ATP6V0E1: variants seen among roughly 807,000 people sequenced by gnomAD.
ATP6V0E1 encodes the protein V-type proton ATPase subunit e 1.
ATP6V0E1 carries 4 observed loss-of-function variants against 11.6 expected under a neutral mutation model. That is an observed-to-expected ratio of 0.35 (90% CI 0.17 to 0.79). ATP6V0E1 has a LOEUF of 0.79. Among genes scored for constraint, ATP6V0E1 ranks in the 30% least tolerant of loss-of-function variants. ATP6V0E1 has a pLI of 0.54. For synonymous variants in ATP6V0E1, 36 were observed against 34.8 expected (o/e 1.04, Z -0.13); for missense variants, 105 against 100.0 (o/e 1.05, Z -0.21).
intron 1 of ATP6V0E1, among the ~76,000 whole-genome samples, chr5:172,988,392 T>A (rs1347153119): frequency 6.6e-6 from 1 of 152,222 alleles, no homozygotes; most frequent in Non-Finnish European, 1.5e-5. Context: ...CCTAGGCAGA[T>A]GATCCCTGTG....
At chr5:172,985,392 C>A (rs982793459) in intron 1 of ATP6V0E1, among the ~76,000 whole-genome samples, 8 of 151,932 alleles carry the variant, frequency 5.3e-5, no homozygotes, top group African/African-American at 1.9e-4. Flanking sequence ...GAATTTTTAT[C>A]ATTTTTAAGT....
chr5:173,013,574 C>CAA lies in ATP6V0E1; in HGVS notation c.153-6645_153-6644dup, dbSNP rs35084966. 2.6e-3 allele frequency among the ~76,000 whole-genome samples: 162 copies of CAA among 61,180 alleles called. 3 individuals are homozygous for CAA. The highest frequency in any genetic ancestry group is 8.8e-3 in the Middle Eastern group (1 of 114). The allele number at this position is 61,180 out of a possible 152,430, so 40.1% of individuals were successfully genotyped here. A position where few individuals can be genotyped will look rare whatever the true frequency, so the allele number is the denominator to read the frequency against. ...TGGGCGACAGAGCCAGACTCCATCT[C>CAA]AAAAAAAAAAAAAAAAAAAAGAGAC... is the stretch of plus-strand genomic sequence containing the variant. On this transcript the variant is annotated intron_variant, in intron 2 of 3. Transcript: ENST00000519374.
intron 2 of ATP6V0E1, among the ~76,000 whole-genome samples, chr5:173,008,725 C>T (rs372087145): frequency 1.4e-4 from 21 of 148,794 alleles, no homozygotes; most frequent in Admixed American, 6.7e-4. Flanking sequence ...CTGGCTAATG[C>T]GGTGAAACCC....
intron 2 of ATP6V0E1, among the ~76,000 whole-genome samples, chr5:173,018,411 AGAGGTGGAGGAGGTGGAAAGG>A (rs780674029): frequency 1.6e-4 from 24 of 152,282 alleles, no homozygotes; most frequent in Admixed American, 3.9e-4. Flanking sequence ...TAGAGGCAGA[AGAGGTGGAGGAGGTGGAAAGG>A]GAGGTGGAGG....
chr5:172,986,050 T>C (rs764453612), intron 1 of ATP6V0E1, among the ~76,000 whole-genome samples: 9 of 152,206 alleles, frequency 5.9e-5, no homozygotes, highest in Non-Finnish European at 1.3e-4. Flanking sequence ...TAAAAATACA[T>C]ATCAAAGATT....
chr5:172,994,678 C>A, intron 1 of ATP6V0E1, 97 bp from the exon 2 acceptor site: 2 of 992,474 alleles, frequency 2.0e-6, no homozygotes, highest in Non-Finnish European at 3.0e-6. Context: ...GCAATCCATG[C>A]CAGTTTGATA....
intron 2 of ATP6V0E1, among the ~76,000 whole-genome samples, chr5:173,013,864 G>A (rs909825576): frequency 6.6e-6 from 1 of 151,998 alleles, no homozygotes; most frequent in Non-Finnish European, 1.5e-5. Flanking sequence ...ACTAAAAAGC[G>A]AAAATATGGC....
chr5:173,005,538 A>C (rs991602928), intron 2 of ATP6V0E1, among the ~76,000 whole-genome samples: 1 of 152,152 alleles, frequency 6.6e-6, no homozygotes, highest in Non-Finnish European at 1.5e-5. Context: ...TTAATATATC[A>C]AGTATTTTAA....
At chr5:173,030,683 C>G (rs939396036) in intron 3 of ATP6V0E1, among the ~76,000 whole-genome samples, 1 of 151,678 alleles carries the variant, frequency 6.6e-6, no homozygotes, top group African/African-American at 2.4e-5. Context: ...TCAGGTGATC[C>G]GCCCCGCCTC....
intron 1 of ATP6V0E1, among the ~76,000 whole-genome samples, chr5:172,991,581 G>A (rs1291978723): frequency 6.6e-6 from 1 of 152,106 alleles, no homozygotes; most frequent in Non-Finnish European, 1.5e-5. Context: ...AAGGACTGAT[G>A]TTTGCACGTA....
intron 1 of ATP6V0E1, among the ~76,000 whole-genome samples, chr5:172,990,616 C>T (rs1434174523): frequency 1.3e-5 from 2 of 151,626 alleles, no homozygotes; most frequent in Admixed American, 6.6e-5. Context: ...ATCACTTGGT[C>T]GGGAGTTCAA....
chr5:173,005,498 G>C (rs1269833356), intron 2 of ATP6V0E1, among the ~76,000 whole-genome samples: 2 of 152,166 alleles, frequency 1.3e-5, no homozygotes, highest in Admixed American at 1.3e-4. Context: ...ACAGGCATGA[G>C]CCACTGCACC....
chr5:172,988,501 T>C (rs1207995282), intron 1 of ATP6V0E1, among the ~76,000 whole-genome samples: 1 of 152,180 alleles, frequency 6.6e-6, no homozygotes, highest in African/African-American at 2.4e-5. Flanking sequence ...GAAATACTAG[T>C]GCACAATTTA....
rs1756017659 is a variant in ATP6V0E1, at chr5:172,993,680, C to CA, written c.105-1095_105-1094insA. The stretch of plus-strand genomic sequence containing the variant: ...GTACAACCTGGTCAACATATTGAGA[C>CA]CCCCCCCCCCGACCCCACCTCTCCA... On this transcript the variant is annotated intron_variant, in intron 1 of 3. Transcript: ENST00000519374. Among the ~76,000 whole-genome samples the CA allele has an allele frequency of 9.6e-5, 5 of 52,180 alleles. 1 individual carries two copies. The Admixed American group carries it at 1.0e-3, about 10-fold the overall frequency. 34.2% of individuals were successfully genotyped at this position (52,180 alleles called of 152,430 possible).
chr5:172,983,858 A>G lies in ATP6V0E1; in HGVS notation c.-3A>G, dbSNP rs1755839973. 1 of 1,613,500 alleles carries G rather than the reference A, an allele frequency of 6.2e-7. No individual in the cohort carries two copies. The highest frequency in any genetic ancestry group is 1.3e-5 in the African/African-American group (1 of 74,914). On this transcript the variant is annotated 5_prime_UTR_variant, in exon 1 of 4. Transcript: ENST00000519374. Reference sequence around the variant, plus strand: ...GGTAGGGGTTGGCGCTCAGGCGGCGACCATGGCGTATCACGGCCTCACTGT... The same window carrying G: ...GGTAGGGGTTGGCGCTCAGGCGGCGGCCATGGCGTATCACGGCCTCACTGT...
chr5:173,033,083 C>T lies in ATP6V0E1; in HGVS notation c.*37-1316C>T, dbSNP rs140109605. ...CTACACTCCAGGGCAGGTGAGAGAG[C>T]GAGACTGTCTGAAAAAAATATTATT... On this transcript the variant is annotated intron_variant, in intron 3 of 3. Coordinates refer to ENST00000519374, the MANE Select transcript of ATP6V0E1 (RefSeq NM_003945.4). 2.5e-3 allele frequency among the ~76,000 whole-genome samples: 383 copies of T among 152,216 alleles called. 3 individuals carry two copies. The highest frequency in any genetic ancestry group is 7.2e-4 in the Non-Finnish European group (49 of 68,026).
chr5:173,021,041 C>A, intron 3 of ATP6V0E1: 1 of 412,526 alleles, frequency 2.4e-6, no homozygotes, highest in Admixed American at 2.7e-5. Flanking sequence ...ATTTGGCTCG[C>A]AGTTCTGCAG....
chr5:173,008,101 T>G (rs1756256997), intron 2 of ATP6V0E1, among the ~76,000 whole-genome samples: 2 of 152,148 alleles, frequency 1.3e-5, no homozygotes, highest in Non-Finnish European at 2.9e-5. Flanking sequence ...TCCCTCCAGC[T>G]TCCTCTACTG....
intron 2 of ATP6V0E1, among the ~76,000 whole-genome samples, chr5:173,003,772 G>A (rs1756191080): frequency 6.6e-6 from 1 of 152,210 alleles, no homozygotes; most frequent in East Asian, 1.9e-4. Flanking sequence ...AATTTGAAGA[G>A]AGATTCAACT....
Sources: allele counts gnomAD v4.1 joint callset (sites outside exome capture counted in the v4.1 genomes callset), GRCh38; gene constraint gnomAD v4.1.1; transcripts MANE v1.5; gene names NCBI Gene and HGNC (gene_info 2026-07-23, HGNC 2026-07-21).